Variants in OTOGL observed in about 807,000 individuals in gnomAD.
OTOGL encodes otogelin like.
OTOGL carries 285 observed loss-of-function variants against 318.5 expected under a neutral mutation model. That is an observed-to-expected ratio of 0.89 (90% CI 0.81 to 0.99). OTOGL has a LOEUF of 0.99. Ranked by LOEUF, OTOGL falls within the 50% of genes least tolerant of loss-of-function variation. The pLI, the probability that OTOGL is intolerant of heterozygous loss-of-function variation, is 0.00. For synonymous variants in OTOGL, 987 were observed against 936.5 expected (o/e 1.05, Z -0.99); for missense variants, 2,899 against 2,845.6 (o/e 1.02, Z -0.43).
At chr12:80,284,989 T>C (rs1884504885) in intron 26 of OTOGL, among the ~76,000 whole-genome samples, 1 of 152,196 alleles carries the variant, frequency 6.6e-6, no homozygotes, top group Admixed American at 6.5e-5. Flanking sequence ...TAGGTTTTTT[T>C]CTAGGGTTTT....
intron 44 of OTOGL, 33 bp from the exon 45 acceptor site, chr12:80,352,262 T>A: frequency 6.3e-7 from 1 of 1,577,112 alleles, no homozygotes; most frequent in Admixed American, 1.8e-5. Flanking sequence ...AATAAAACAA[T>A]ATAACTTATT....
chr12:80,190,708 A>G (rs1390300223), intron 1 of OTOGL, among the ~76,000 whole-genome samples: 3 of 149,148 alleles, frequency 2.0e-5, no homozygotes, highest in Non-Finnish European at 4.4e-5. Flanking sequence ...AATGGCGTGA[A>G]CCCAAGAGGC....
In OTOGL at chr12:80,265,205, T is replaced by C. The variant is rs1001059351; in HGVS notation, c.2219T>C (p.Phe740Ser). The C allele has an allele frequency of 3.1e-6, 5 of 1,612,906 alleles. No homozygotes were observed. Among genetic ancestry groups the C allele is most frequent in the Non-Finnish European group, 4.2e-6 (5 of 1,179,296 alleles). The change falls in exon 20 of 59, where the codon TTC becomes TCC. Residue 740 changes from phenylalanine to serine, a missense_variant. Physicochemically the swap from Phe to Ser is radical, Grantham distance 155 (BLOSUM62 -2). This residue lies in a region of OTOGL where 2,607 missense variants were observed against 2,524.9 expected (regional missense o/e 1.03). Coordinates refer to ENST00000547103, the MANE Select transcript of OTOGL (RefSeq NM_001378609.3). ...ATTGATTTCAGAACTCAGATTTCTT[T>C]CTGTGGTGAGTACAATGGCACAGAT... ...VPIDFRTQIS[F>S]CAVVCQKGML...
At chr12:80,202,448 T>C (rs898131381) in intron 1 of OTOGL, among the ~76,000 whole-genome samples, 1 of 152,038 alleles carries the variant, frequency 6.6e-6, no homozygotes, top group South Asian at 2.1e-4. Flanking sequence ...TTTTTTTGTA[T>C]TTTTAGTAGA....
intron 7 of OTOGL, among the ~76,000 whole-genome samples, chr12:80,227,520 G>A (rs770927800): frequency 1.3e-5 from 2 of 152,142 alleles, no homozygotes; most frequent in Non-Finnish European, 2.9e-5. Flanking sequence ...AAGCGAATTG[G>A]AAACTCTGGA....
chr12:80,217,918 T>C (rs537746640), intron 5 of OTOGL, among the ~76,000 whole-genome samples: 79 of 152,298 alleles, frequency 5.2e-4, no homozygotes, highest in Non-Finnish European at 1.0e-3. Context: ...TAAGAAACTA[T>C]TTTTTTGTGA....
intron 1 of OTOGL, among the ~76,000 whole-genome samples, chr12:80,205,023 C>T (rs537405277): frequency 3.9e-5 from 6 of 151,984 alleles, no homozygotes; most frequent in South Asian, 4.1e-4. Flanking sequence ...GTGAGAGAAA[C>T]GAACAACAAA....
Position 80,339,213 on chromosome 12 carries a change from A to G in OTOGL, c.4999A>G (p.Ile1667Val), listed in dbSNP as rs1888599250. 2.5e-6 allele frequency: 4 copies of G among 1,610,078 alleles called. No individual in the cohort carries two copies. The highest frequency in any genetic ancestry group is 1.7e-5 in the Admixed American group (1 of 59,738). ...KWSHLTGIIDIHFGFRFNLSS... is the reference protein window; with the variant it reads ...KWSHLTGIIDVHFGFRFNLSS... ...GTCTCATCTTACAGGAATCATAGAC[A>G]TTCATTTTGGCTTCCGATTTAACTT... is the stretch of plus-strand genomic sequence containing the variant. Residue 1667 changes from isoleucine to valine, a missense_variant, in exon 43 of 59, where the codon ATT (isoleucine) becomes GTT (valine). This residue lies in a region of OTOGL where 2,607 missense variants were observed against 2,524.9 expected (regional missense o/e 1.03). Coordinates refer to ENST00000547103, the MANE Select transcript of OTOGL (RefSeq NM_001378609.3).
chr12:80,130,284 C>A (rs1871158038), intron 1 of OTOGL, among the ~76,000 whole-genome samples: 1 of 152,142 alleles, frequency 6.6e-6, no homozygotes, highest in African/African-American at 2.4e-5. Context: ...ATTAGACAGA[C>A]AAATTGTTCC....
At chr12:80,295,999 C>G (rs1885365628) in intron 26 of OTOGL, among the ~76,000 whole-genome samples, 1 of 152,056 alleles carries the variant, frequency 6.6e-6, no homozygotes, top group African/African-American at 2.4e-5. Context: ...TTAGTGGATG[C>G]AGTGGGGAGT....
chr12:80,369,367 C>G (rs1890745046), intron 55 of OTOGL, among the ~76,000 whole-genome samples: 1 of 151,948 alleles, frequency 6.6e-6, no homozygotes, highest in Non-Finnish European at 1.5e-5. Flanking sequence ...ATAGATTGGC[C>G]TGATACTTGA....
At chr12:80,368,500 GCTTAA>G (rs1890693041) in intron 55 of OTOGL, among the ~76,000 whole-genome samples, 191 bp downstream of exon 55, 1 of 151,672 alleles carries the variant, frequency 6.6e-6, no homozygotes, top group Admixed American at 6.6e-5. Context: ...AAAGAAAAAT[GCTTAA>G]CTTGTGACTC....
rs537120073 is a variant in OTOGL, at chr12:80,290,575, A to G, written c.2929-6252A>G. On this transcript the variant is annotated intron_variant, in intron 26 of 58. Coordinates refer to ENST00000547103, the MANE Select transcript of OTOGL (RefSeq NM_001378609.3). ...ATAATGTCAAACATGACATGTTCCCATTGGATATATCATTACTGTTAAAGA... is the reference window on the plus strand; with the variant it reads ...ATAATGTCAAACATGACATGTTCCCGTTGGATATATCATTACTGTTAAAGA... Among the ~76,000 whole-genome samples, 89 of 152,140 alleles carry G rather than the reference A, an allele frequency of 5.8e-4. 1 individual carries two copies. The highest frequency in any genetic ancestry group is 4.6e-4 in the Admixed American group (7 of 15,270).
chr12:80,252,797 C>T (rs1179755007), intron 13 of OTOGL, among the ~76,000 whole-genome samples: 1 of 152,150 alleles, frequency 6.6e-6, no homozygotes, highest in Non-Finnish European at 1.5e-5. Context: ...GGCCTCTGCT[C>T]ATTGTTCTGT....
In OTOGL at chr12:80,267,281, A is replaced by G. The variant is rs957695096; in HGVS notation, c.2419A>G (p.Ser807Gly). 1.3e-6 allele frequency: 2 copies of G among 1,564,824 alleles called. No individual in the cohort carries two copies. Among genetic ancestry groups the G allele is most frequent in the African/African-American group, 1.4e-5 (1 of 73,498 alleles). Reference sequence around the variant, plus strand: ...CCACTGCCGTTGTCATTATAGGGGCAGTGTTTATCAACCTGGAGAGCTCAT... The same window carrying G: ...CCACTGCCGTTGTCATTATAGGGGCGGTGTTTATCAACCTGGAGAGCTCAT... Reference protein sequence around the residue: ...IFHCRCHYRGSVYQPGELIPT... With the variant: ...IFHCRCHYRGGVYQPGELIPT... The change falls in exon 22 of 59, where the codon AGT becomes GGT. Residue 807 changes from serine (S) to glycine (G), a missense_variant. Physicochemically the swap from Ser to Gly is moderately conservative, Grantham distance 56. Around this residue, in one of 3 missense-constraint regions of OTOGL, gnomAD observed 2,607 missense variants for 2,524.9 expected, o/e 1.03. Coordinates refer to ENST00000547103, the MANE Select transcript of OTOGL (RefSeq NM_001378609.3).
chr12:80,103,347 G>A (rs982291610), intron 1 of OTOGL: 13 of 1,345,826 alleles, frequency 9.7e-6, no homozygotes, highest in South Asian at 1.2e-5. Flanking sequence ...GGCCGCTCCC[G>A]CTTCGGTGAT....
intron 1 of OTOGL, among the ~76,000 whole-genome samples, chr12:80,156,397 T>A (rs1873119393): frequency 6.6e-6 from 1 of 152,144 alleles, no homozygotes; most frequent in African/African-American, 2.4e-5. Context: ...CAATACTCCT[T>A]AATAAACTCC....
intron 1 of OTOGL, among the ~76,000 whole-genome samples, chr12:80,154,039 T>A (rs906582492): frequency 3.3e-5 from 5 of 152,234 alleles, no homozygotes; most frequent in Non-Finnish European, 5.9e-5. Context: ...CTGGACACAG[T>A]GGCTCATGCC....
chr12:80,275,647 A>T (rs931410520), intron 24 of OTOGL, among the ~76,000 whole-genome samples: 1 of 151,888 alleles, frequency 6.6e-6, no homozygotes, highest in Non-Finnish European at 1.5e-5. Context: ...TGAACACTAC[A>T]GAGAAATCTT....
Sources: gnomAD v4.1 joint callset for allele counts (sites outside exome capture counted in the v4.1 genomes callset) on GRCh38, gnomAD v4.1.1 for gene constraint, gnomAD v4.1.1 regional missense constraint, MANE v1.5 for transcripts, NCBI Gene and HGNC (gene_info 2026-07-23, HGNC 2026-07-21) for gene names.